Variants in TEKT5 observed in about 807,000 individuals in gnomAD.
TEKT5 encodes tektin-5.
Under a neutral mutation model 48.7 loss-of-function variants are expected in TEKT5, and 52 were observed. The ratio of observed to expected loss-of-function variants is 1.07; its 90% CI spans 0.86 to 1.35. The LOEUF is 1.35. Among genes scored for constraint, TEKT5 ranks in the 40% most tolerant of loss-of-function variants. TEKT5 has a pLI of 0.00. For synonymous variants in TEKT5, 318 were observed against 267.6 expected, an observed-to-expected ratio of 1.19 and a Z score of -1.84; for missense variants, 831 against 641.6, an observed-to-expected ratio of 1.30 and a Z score of -3.19.
rs149095771 is a variant in TEKT5, at chr16:10,681,071, G to A, written c.863+922C>T. 5.3e-3 allele frequency among the ~76,000 whole-genome samples: 780 copies of A among 148,122 alleles called. 9 individuals are homozygous for A. Among genetic ancestry groups the A allele is most frequent in the African/African-American group, 0.018 (746 of 40,486 alleles). On this transcript the variant is annotated intron_variant, in intron 4 of 6. Coordinates refer to ENST00000283025, the MANE Select transcript of TEKT5 (RefSeq NM_144674.2). ...AAAAAAAAAAAAACCTCACAATGCTGTGATATGCCCACGATCATGACAGGC... is the reference window on the plus strand; with the variant it reads ...AAAAAAAAAAAAACCTCACAATGCTATGATATGCCCACGATCATGACAGGC...
intron 6 of TEKT5, among the ~76,000 whole-genome samples, chr16:10,631,532 C>G (rs1897841682): frequency 6.6e-6 from 1 of 152,086 alleles, no homozygotes; most frequent in East Asian, 1.9e-4. Context: ...AAGATATGTT[C>G]AAGTCCTAAG....
chr16:10,634,540 G>A (rs1897886466), intron 6 of TEKT5, among the ~76,000 whole-genome samples: 1 of 152,156 alleles, frequency 6.6e-6, no homozygotes, highest in Non-Finnish European at 1.5e-5. Flanking sequence ...ATAGGAGGAT[G>A]CTCCAAGGAT....
intron 5 of TEKT5, among the ~76,000 whole-genome samples, chr16:10,660,150 G>A (rs1398257799): frequency 1.3e-5 from 2 of 152,168 alleles, no homozygotes; most frequent in African/African-American, 4.8e-5. Context: ...TCTCCAGTAT[G>A]GGATCCAATT....
chr16:10,647,583 G>A (rs1898090638), intron 5 of TEKT5, among the ~76,000 whole-genome samples: 1 of 152,020 alleles, frequency 6.6e-6, no homozygotes, highest in Non-Finnish European at 1.5e-5. Flanking sequence ...AGGTGCTGTT[G>A]CTAGGGAAAT....
At chr16:10,665,812 G>C (rs1165893198) in intron 5 of TEKT5, among the ~76,000 whole-genome samples, 10 of 152,202 alleles carry the variant, frequency 6.6e-5, no homozygotes, top group African/African-American at 2.2e-4. Context: ...GTGGGCATCA[G>C]GTAGAGACCT....
intron 5 of TEKT5, among the ~76,000 whole-genome samples, chr16:10,639,235 AGTTCAAG>A (rs1333676585): frequency 6.6e-6 from 1 of 152,234 alleles, no homozygotes; most frequent in African/African-American, 2.4e-5. Flanking sequence ...TGAGCCCAGG[AGTTCAAG>A]GTTGCAGTGA....
intron 5 of TEKT5, among the ~76,000 whole-genome samples, chr16:10,644,634 G>C (rs1054764005): frequency 6.6e-6 from 1 of 152,152 alleles, no homozygotes; most frequent in African/African-American, 2.4e-5. Context: ...GACCCTATGG[G>C]GGCACCAGGA....
At chr16:10,689,111 G>A in intron 3 of TEKT5, 142 bp downstream of exon 3, 1 of 589,484 alleles carries the variant, frequency 1.7e-6, no homozygotes, top group Non-Finnish European at 2.9e-6. Context: ...CTAGAAGGCT[G>A]GTTGTTGAAC....
chr16:10,670,139 G>A (rs1410507500), intron 5 of TEKT5, among the ~76,000 whole-genome samples: 1 of 152,258 alleles, frequency 6.6e-6, no homozygotes, highest in Non-Finnish European at 1.5e-5. Flanking sequence ...CTGCCTTGCA[G>A]CATAGGTAAG....
At position 10,657,060 on chromosome 16, in the gene TEKT5, A is replaced by T. The variant is rs562077470; in HGVS notation, c.1086+18899T>A. 6.0e-4 allele frequency among the ~76,000 whole-genome samples: 91 copies of T among 152,012 alleles called. 4 individuals are homozygous for T. In the South Asian group the frequency reaches 0.019, roughly 31 times the overall value. ...AGCCTATATTTTTGACTTGAAATTC[A>T]AGCCTAGACTCAGATTGATGGACAA... On this transcript the variant is annotated intron_variant, in intron 5 of 6. Coordinates refer to ENST00000283025, the MANE Select transcript of TEKT5 (RefSeq NM_144674.2).
At chr16:10,652,719 A>ACACACACACT (rs1567228354) in intron 5 of TEKT5, among the ~76,000 whole-genome samples, 1 of 89,500 alleles carries the variant, frequency 1.1e-5, no homozygotes, top group African/African-American at 5.3e-5. Flanking sequence ...ACACACACAC[A>ACACACACACT]CACACCCTCC....
At chr16:10,658,405 C>T (rs897386825) in intron 5 of TEKT5, among the ~76,000 whole-genome samples, 9 of 152,172 alleles carry the variant, frequency 5.9e-5, no homozygotes, top group East Asian at 1.9e-4. Context: ...CACTATCCAG[C>T]GGTAAAAAAC....
At chr16:10,671,580 A>C (rs71381168) in intron 5 of TEKT5, 1 of 152,218 alleles carries the variant, frequency 6.6e-6, no homozygotes, top group South Asian at 2.1e-4. Flanking sequence ...AAGTCCATAG[A>C]GTAGTCAAAT....
intron 4 of TEKT5, among the ~76,000 whole-genome samples, chr16:10,680,974 C>T (rs536985436): frequency 5.5e-5 from 8 of 146,132 alleles, no homozygotes; most frequent in Non-Finnish European, 1.2e-4. Flanking sequence ...CTAACCTGCA[C>T]ATTGTGCACA....
intron 5 of TEKT5, among the ~76,000 whole-genome samples, chr16:10,657,643 G>A (rs1898284676): frequency 6.7e-6 from 1 of 150,100 alleles, no homozygotes. Context: ...AGGCTGGAGT[G>A]CAGTGGCGCA....
intron 5 of TEKT5, among the ~76,000 whole-genome samples, chr16:10,638,606 A>C (rs1181421047): frequency 6.6e-6 from 1 of 152,212 alleles, no homozygotes; most frequent in Non-Finnish European, 1.5e-5. Context: ...CATACCACCT[A>C]AAGAAGCTAT....
At chr16:10,632,895 C>G (rs952805696) in intron 6 of TEKT5, among the ~76,000 whole-genome samples, 1 of 151,798 alleles carries the variant, frequency 6.6e-6, no homozygotes, top group African/African-American at 2.4e-5. Context: ...CACACACACA[C>G]ACACACACAC....
intron 5 of TEKT5, among the ~76,000 whole-genome samples, chr16:10,662,166 C>A (rs1898383842): frequency 6.6e-6 from 1 of 152,160 alleles, no homozygotes; most frequent in African/African-American, 2.4e-5. Flanking sequence ...TTGGCAGCAT[C>A]CCTGGCCTCT....
chr16:10,651,758 G>C lies in TEKT5; in HGVS notation c.1087-15840C>G, dbSNP rs7200692. Among the ~76,000 whole-genome samples, 1,131 of 151,978 alleles carry C rather than the reference G, an allele frequency of 7.4e-3. 22 individuals carry two copies. The highest frequency in any genetic ancestry group is 0.023 in the African/African-American group (939 of 41,434). On this transcript the variant is annotated intron_variant, in intron 5 of 6. Coordinates refer to ENST00000283025, the MANE Select transcript of TEKT5 (RefSeq NM_144674.2). ...GAGGATCACCTGAGATCAGGGGTTC[G>C]AGACCAGCCTGACAAACATGGCGAA...
Sources: allele counts gnomAD v4.1 joint callset (sites outside exome capture counted in the v4.1 genomes callset), GRCh38; gene constraint gnomAD v4.1.1; transcripts MANE v1.5; gene names NCBI Gene and HGNC (gene_info 2026-07-23, HGNC 2026-07-21).